ROBO1: variants seen among roughly 807,000 people sequenced by gnomAD.
The protein encoded by ROBO1 is roundabout guidance receptor 1, also known as roundabout homolog 1.
ROBO1 carries 149 observed loss-of-function variants against 195.9 expected under a neutral mutation model. The observed-to-expected ratio is 0.76, with a 90% CI of 0.67 to 0.87. The LOEUF (loss-of-function observed/expected upper bound fraction) is 0.87. Among genes scored for constraint, ROBO1 ranks in the 40% least tolerant of loss-of-function variants. ROBO1 has a pLI of 0.00. For missense variants in ROBO1, 1,933 were observed against 2,068.3 expected, an observed-to-expected ratio of 0.93 and a Z score of 1.27; for synonymous variants, 816 against 733.2, an observed-to-expected ratio of 1.11 and a Z score of -1.82.
chr3:79,650,603 GA>G (rs948696213), intron 1 of ROBO1, among the ~76,000 whole-genome samples: 19 of 151,676 alleles, frequency 1.3e-4, no homozygotes, highest in Middle Eastern at 3.5e-3. Context: ...AAAAAATATA[GA>G]AAAAAAACCC....
intron 2 of ROBO1, among the ~76,000 whole-genome samples, chr3:79,406,151 A>G (rs2037537329): frequency 6.6e-6 from 1 of 152,058 alleles, no homozygotes; most frequent in African/African-American, 2.4e-5. Context: ...AGGAGGAGAC[A>G]GCTGGAGATA....
chr3:79,430,093 T>A (rs1009196897), intron 2 of ROBO1, among the ~76,000 whole-genome samples: 1 of 151,966 alleles, frequency 6.6e-6, no homozygotes, highest in African/African-American at 2.4e-5. Flanking sequence ...TTATAATTTT[T>A]AAGGATTGAA....
intron 2 of ROBO1, among the ~76,000 whole-genome samples, chr3:79,490,966 A>T (rs1939423164): frequency 1.3e-5 from 2 of 151,946 alleles, no homozygotes; most frequent in South Asian, 2.1e-4. Flanking sequence ...CTCTCCCTGG[A>T]TCCCAAGTAC....
chr3:79,715,458 G>C (rs1319569189), intron 1 of ROBO1, among the ~76,000 whole-genome samples: 1 of 152,126 alleles, frequency 6.6e-6, no homozygotes, highest in African/African-American at 2.4e-5. Flanking sequence ...ACAAGACAAT[G>C]AAGGGTCAGC....
At chr3:78,739,203 A>C (rs1175560734) in intron 5 of ROBO1, among the ~76,000 whole-genome samples, 1 of 152,184 alleles carries the variant, frequency 6.6e-6, no homozygotes, top group Non-Finnish European at 1.5e-5. Context: ...TATCATGAAG[A>C]AAATATTTTT....
intron 4 of ROBO1, among the ~76,000 whole-genome samples, chr3:78,922,295 G>A (rs969075245): frequency 6.6e-6 from 1 of 151,852 alleles, no homozygotes; most frequent in African/African-American, 2.4e-5. Flanking sequence ...ATGGAGGAAC[G>A]TGCCTTCTGG....
At chr3:78,822,536 A>G (rs72894467) in intron 4 of ROBO1, among the ~76,000 whole-genome samples, 4,826 of 152,280 alleles carry the variant, frequency 0.032, 209 homozygotes, top group African/African-American at 0.1. Context: ...TGGTGGATGA[A>G]TTCTACACAC....
chr3:79,546,690 G>C (rs997319280), intron 2 of ROBO1, among the ~76,000 whole-genome samples: 1 of 152,036 alleles, frequency 6.6e-6, no homozygotes, highest in African/African-American at 2.4e-5. Flanking sequence ...CTCACTTCAC[G>C]GGCAGCACAT....
intron 26 of ROBO1, among the ~76,000 whole-genome samples, chr3:78,621,629 A>G (rs1704462763): frequency 6.6e-6 from 1 of 152,226 alleles, no homozygotes; most frequent in South Asian, 2.1e-4. Context: ...TGGAAAACAA[A>G]AAGCCATTTC....
intron 1 of ROBO1, among the ~76,000 whole-genome samples, chr3:79,614,431 A>T (rs996027702): frequency 6.6e-6 from 1 of 152,162 alleles, no homozygotes; most frequent in Non-Finnish European, 1.5e-5. Flanking sequence ...AAATGAAAAC[A>T]TAACATACAA....
chr3:79,511,746 AAG>A (rs1255393171), intron 2 of ROBO1, among the ~76,000 whole-genome samples: 1 of 152,180 alleles, frequency 6.6e-6, no homozygotes, highest in Non-Finnish European at 1.5e-5. Flanking sequence ...AGCCATAAAA[AAG>A]AACAAGATCA....
intron 2 of ROBO1, among the ~76,000 whole-genome samples, chr3:79,391,448 C>G (rs1004183768): frequency 4.6e-5 from 7 of 152,038 alleles, no homozygotes; most frequent in African/African-American, 1.7e-4. Flanking sequence ...ACAAAGCATG[C>G]CAGGCTCAGC....
At chr3:79,115,010 T>G (rs1164049396) in intron 3 of ROBO1, among the ~76,000 whole-genome samples, 2 of 152,192 alleles carry the variant, frequency 1.3e-5, no homozygotes, top group Non-Finnish European at 2.9e-5. Context: ...AGCAGTGACC[T>G]CTTTGGAAAA....
chr3:78,662,602 A>C (rs1707492155), intron 14 of ROBO1, among the ~76,000 whole-genome samples: 1 of 152,236 alleles, frequency 6.6e-6, no homozygotes, highest in Non-Finnish European at 1.5e-5. Context: ...GATACTTTAC[A>C]GCTTTTAAGA....
chr3:79,160,951 A>T (rs1262435693), intron 2 of ROBO1, among the ~76,000 whole-genome samples: 1 of 152,082 alleles, frequency 6.6e-6, no homozygotes, highest in African/African-American at 2.4e-5. Context: ...TACATTAAAT[A>T]TATTTCCCTC....
At chr3:79,720,792 A>T (rs1386742690) in intron 1 of ROBO1, among the ~76,000 whole-genome samples, 3 of 142,978 alleles carry the variant, frequency 2.1e-5, no homozygotes, top group East Asian at 2.1e-4. Context: ...GGAGTTGCTA[A>T]TTTTTTTTTT....
chr3:78,726,326 T>G (rs550782996), intron 5 of ROBO1, among the ~76,000 whole-genome samples: 22 of 152,304 alleles, frequency 1.4e-4, no homozygotes, highest in Middle Eastern at 3.4e-3. Context: ...GGCATCATCA[T>G]ACCAATAAGA....
At chr3:79,287,605 T>C (rs2031967099) in intron 2 of ROBO1, among the ~76,000 whole-genome samples, 2 of 152,286 alleles carry the variant, frequency 1.3e-5, no homozygotes, top group African/African-American at 4.8e-5. Flanking sequence ...TCTGTGAATA[T>C]GATGATGGTG....
At chr3:79,687,458 T>G (rs1947154486) in intron 1 of ROBO1, among the ~76,000 whole-genome samples, 1 of 152,132 alleles carries the variant, frequency 6.6e-6, no homozygotes, top group African/African-American at 2.4e-5. Context: ...GGGAGAAATT[T>G]TTCGCAATGT....
Sources: gnomAD v4.1 joint callset for allele counts (sites outside exome capture counted in the v4.1 genomes callset) on GRCh38, gnomAD v4.1.1 for gene constraint, MANE v1.5 for transcripts, NCBI Gene and HGNC (gene_info 2026-07-23, HGNC 2026-07-21) for gene names.